The following GATA4 variants were observed in gnomAD, a reference collection of about 807,000 sequenced individuals.
GATA4 encodes the protein GATA binding protein 4.
A neutral mutation model predicts 37.9 loss-of-function variants in GATA4; 7 were observed. That is an observed-to-expected ratio of 0.18 (90% CI 0.11 to 0.35). The LOEUF (loss-of-function observed/expected upper bound fraction) is 0.35. GATA4 is among the 10% of genes least tolerant of loss of function. GATA4 has a pLI of 1.00. For missense variants in GATA4, 647 were observed against 653.0 expected, an observed-to-expected ratio of 0.99 and a Z score of 0.10; for synonymous variants, 372 against 292.6, an observed-to-expected ratio of 1.27 and a Z score of -2.77.
At chr8:11,705,733 G>A (rs1296171228) in intron 1 of GATA4, among the ~76,000 whole-genome samples, 1 of 152,188 alleles carries the variant, frequency 6.6e-6, no homozygotes, top group Non-Finnish European at 1.5e-5. Context: ...TCCACCTTCT[G>A]TTGTTCTAGT....
intron 1 of GATA4, among the ~76,000 whole-genome samples, chr8:11,706,283 G>T (rs1490769711): frequency 6.6e-6 from 1 of 152,120 alleles, no homozygotes; most frequent in Admixed American, 6.5e-5. Flanking sequence ...TATGTAGTGT[G>T]TATTAAAGAT....
At chr8:11,680,266 G>A (rs1401393295) in intron 1 of GATA4, among the ~76,000 whole-genome samples, 1 of 152,244 alleles carries the variant, frequency 6.6e-6, no homozygotes, top group Non-Finnish European at 1.5e-5. Context: ...GAGACCAGGC[G>A]GTGCCGGTGG....
At chr8:11,722,191 TAGAG>T (rs150412873) in intron 2 of GATA4, among the ~76,000 whole-genome samples, 3,640 of 152,172 alleles carry the variant, frequency 0.024, 160 homozygotes, top group African/African-American at 0.084. Flanking sequence ...ATAATAAAAA[TAGAG>T]AGTAGAATAT....
At chr8:11,677,750 T>G (rs915781922) in intron 1 of GATA4, among the ~76,000 whole-genome samples, 3 of 152,116 alleles carry the variant, frequency 2.0e-5, no homozygotes, top group Non-Finnish European at 2.9e-5. Flanking sequence ...TCAGCCAGGC[T>G]TGGTATAGGG....
Position 11,758,903 on chromosome 8 carries a change from A to AC in GATA4, c.*429dup, listed in dbSNP as rs1802744725. ...TCTGTTTGCCATGTACCTGGATGCGACGGGCCCCTGGGGACAGGCCCTTGC... is the reference window on the plus strand; with the variant it reads ...TCTGTTTGCCATGTACCTGGATGCGACCGGGCCCCTGGGGACAGGCCCTTGC... On this transcript the variant is annotated 3_prime_UTR_variant, in exon 7 of 7. Coordinates refer to ENST00000532059, the MANE Select transcript of GATA4 (RefSeq NM_001308093.3). 2 of 307,746 alleles carry AC rather than the reference A, an allele frequency of 6.5e-6. No homozygotes were observed. The highest frequency in any genetic ancestry group is 1.3e-5 in the Non-Finnish European group (2 of 156,924). The allele number at this position is 307,746 out of a possible 1,614,324, so 19.1% of individuals were successfully genotyped here.
At chr8:11,750,260 G>A (rs374028452) in intron 4 of GATA4, 24 bp downstream of exon 4, 193 of 1,610,580 alleles carry the variant, frequency 1.2e-4, no homozygotes, top group South Asian at 5.3e-4. Flanking sequence ...GCGCCCATGC[G>A]GCATCCTTGC....
chr8:11,679,432 G>T (rs1481915179), intron 1 of GATA4, among the ~76,000 whole-genome samples: 1 of 152,230 alleles, frequency 6.6e-6, no homozygotes, highest in Non-Finnish European at 1.5e-5. Flanking sequence ...AAGCCCCGAA[G>T]CCGATCTAAG....
At chr8:11,740,553 C>T (rs1020947102) in intron 2 of GATA4, among the ~76,000 whole-genome samples, 1 of 152,218 alleles carries the variant, frequency 6.6e-6, no homozygotes, top group African/African-American at 2.4e-5. Context: ...ATCGTAGCTT[C>T]CCACATGGAG....
chr8:11,754,194 G>A (rs1802440951), intron 4 of GATA4, among the ~76,000 whole-genome samples: 1 of 152,156 alleles, frequency 6.6e-6, no homozygotes, highest in South Asian at 2.1e-4. Flanking sequence ...AATTTTCCCA[G>A]CACAATAATT....
chr8:11,722,454 T>A (rs1800720182), intron 2 of GATA4, among the ~76,000 whole-genome samples: 1 of 152,248 alleles, frequency 6.6e-6, no homozygotes, highest in Non-Finnish European at 1.5e-5. Flanking sequence ...CAGTCACTGT[T>A]CAATTTCCCA....
chr8:11,697,900 T>C (rs1031917392), intron 1 of GATA4: 7 of 985,422 alleles, frequency 7.1e-6, no homozygotes, highest in Non-Finnish European at 8.4e-6. Context: ...GAATGCCAGA[T>C]CTCTGGGGGA....
At chr8:11,700,788 T>C (rs1799649767), upstream of GATA4, 1 of 152,280 alleles carries the variant, frequency 6.6e-6, no homozygotes, top group Non-Finnish European at 1.5e-5. Context: ...GGTTTGATTC[T>C]CTCTGGGGTT....
intron 2 of GATA4, among the ~76,000 whole-genome samples, chr8:11,719,485 A>G (rs1800575839): frequency 1.3e-5 from 2 of 152,238 alleles, no homozygotes; most frequent in African/African-American, 4.8e-5. Flanking sequence ...AGAAACACGT[A>G]GTAATTTTTT....
intron 1 of GATA4, among the ~76,000 whole-genome samples, chr8:11,679,484 G>A (rs1014997267): frequency 1.9e-4 from 29 of 152,270 alleles, no homozygotes; most frequent in African/African-American, 6.5e-4. Flanking sequence ...CGAGGGCCGG[G>A]AGGAGAGGAG....
chr8:11,695,243 T>C (rs1002598476), intron 1 of GATA4, among the ~76,000 whole-genome samples: 2 of 151,878 alleles, frequency 1.3e-5, no homozygotes, highest in African/African-American at 4.8e-5. Flanking sequence ...CCGTCTCTAT[T>C]AAAAATACAA....
intron 2 of GATA4, among the ~76,000 whole-genome samples, chr8:11,737,581 A>G (rs1248002700): frequency 6.6e-6 from 1 of 152,202 alleles, no homozygotes; most frequent in African/African-American, 2.4e-5. Flanking sequence ...ACAGCATTAG[A>G]AGCCAGGCCA....
chr8:11,724,264 G>A (rs750072158), intron 2 of GATA4, among the ~76,000 whole-genome samples: 21 of 152,088 alleles, frequency 1.4e-4, no homozygotes, highest in South Asian at 6.2e-4. Flanking sequence ...GAATAATGCC[G>A]CCATTTTTAC....
intron 1 of GATA4, chr8:11,680,605 C>T (rs140341633): frequency 4.1e-6 from 4 of 985,200 alleles, no homozygotes; most frequent in South Asian, 4.7e-5. Flanking sequence ...GTCCGAGCGG[C>T]GGTCGGTGGC....
intron 1 of GATA4, among the ~76,000 whole-genome samples, chr8:11,693,323 G>C (rs975974991): frequency 1.5e-4 from 23 of 152,018 alleles, no homozygotes; most frequent in African/African-American, 5.6e-4. Flanking sequence ...AATTAGCCAG[G>C]CGTCGTGGCG....
Sources: allele counts gnomAD v4.1 joint callset (sites outside exome capture counted in the v4.1 genomes callset), GRCh38; gene constraint gnomAD v4.1.1; transcripts MANE v1.5; gene names NCBI Gene and HGNC (gene_info 2026-07-23, HGNC 2026-07-21).